FOXP2: variants seen among roughly 807,000 people sequenced by gnomAD.
The protein encoded by FOXP2 is forkhead box protein P2.
Under a neutral mutation model 115.8 loss-of-function variants are expected in FOXP2, and 12 were observed. The observed-to-expected ratio is 0.10, with a 90% CI of 0.07 to 0.17. The LOEUF is 0.17. Ranked by LOEUF, FOXP2 falls within the 10% of genes least tolerant of loss-of-function variation. FOXP2 has a pLI of 1.00. For missense variants in FOXP2, 629 were observed against 843.5 expected, an observed-to-expected ratio of 0.75 and a Z score of 3.15; for synonymous variants, 328 against 297.7, an observed-to-expected ratio of 1.10 and a Z score of -1.05.
At chr7:114,470,151 C>T (rs1795984089) in intron 2 of FOXP2, among the ~76,000 whole-genome samples, 1 of 152,172 alleles carries the variant, frequency 6.6e-6, no homozygotes, top group African/African-American at 2.4e-5. Context: ...AAATTGTCTC[C>T]TGGCTCCCTG....
chr7:114,188,159 A>G (rs1562997508), intron 1 of FOXP2, among the ~76,000 whole-genome samples: 1 of 152,128 alleles, frequency 6.6e-6, no homozygotes, highest in Non-Finnish European at 1.5e-5. Context: ...GAGCACAGTC[A>G]TGGTGCTCTA....
At chr7:114,660,458 C>T (rs1291242203) in intron 13 of FOXP2, among the ~76,000 whole-genome samples, 1 of 152,106 alleles carries the variant, frequency 6.6e-6, no homozygotes, top group African/African-American at 2.4e-5. Flanking sequence ...CAGCAAAGCA[C>T]TCATCAGCAT....
intron 2 of FOXP2, among the ~76,000 whole-genome samples, chr7:114,512,309 C>G (rs370079612): frequency 6.6e-6 from 1 of 152,192 alleles, no homozygotes; most frequent in South Asian, 2.1e-4. Flanking sequence ...TACATACAAT[C>G]ATTTCTATGC....
chr7:114,292,110 G>C (rs1413615818), intron 2 of FOXP2, among the ~76,000 whole-genome samples: 2 of 150,516 alleles, frequency 1.3e-5, no homozygotes, highest in African/African-American at 4.9e-5. Flanking sequence ...ATAATCATCA[G>C]AGTGACAATA....
intron 2 of FOXP2, among the ~76,000 whole-genome samples, chr7:114,442,924 A>G (rs897616865): frequency 2.6e-5 from 4 of 152,206 alleles, no homozygotes; most frequent in Admixed American, 1.3e-4. Context: ...GTGGCAATCT[A>G]TGTGAGTGAG....
At chr7:114,654,372 T>A (rs1241455059) in intron 10 of FOXP2, among the ~76,000 whole-genome samples, 2 of 152,136 alleles carry the variant, frequency 1.3e-5, no homozygotes, top group Non-Finnish European at 2.9e-5. Context: ...AATAGAAATG[T>A]ATGTGGTGTG....
chr7:114,656,377 T>A (rs531166617), intron 10 of FOXP2: 57 of 249,254 alleles, frequency 2.3e-4, no homozygotes, highest in Non-Finnish European at 3.3e-4. Context: ...CATACAAGTA[T>A]GTAATGCTGA....
At chr7:114,212,114 TAA>T (rs1563007413) in intron 1 of FOXP2, among the ~76,000 whole-genome samples, 3 of 76,130 alleles carry the variant, frequency 3.9e-5, no homozygotes, top group African/African-American at 1.0e-4. Flanking sequence ...TAAAATAAAA[TAA>T]AATAAAATAT....
In FOXP2 at chr7:114,693,113, G is replaced by A; in HGVS notation, c.*3187G>A. ...AGTGGGCTTAAGGCTTATATTCTAT[G>A]TGGTTGGATTCGTGGCACAGTTGTA... On this transcript the variant is annotated 3_prime_UTR_variant, in exon 17 of 17. Transcript: ENST00000350908. 2.2e-6 allele frequency: 1 copy of A among 453,884 alleles called. No individual in the cohort carries two copies. The highest frequency in any genetic ancestry group is 4.4e-6 in the Non-Finnish European group (1 of 226,666). 28.1% of individuals were successfully genotyped at this position (453,884 alleles called of 1,614,324 possible). A position where few individuals can be genotyped will look rare whatever the true frequency, so the allele number is the denominator to read the frequency against.
chr7:114,530,247 T>G (rs894043225), intron 2 of FOXP2, among the ~76,000 whole-genome samples: 1 of 151,928 alleles, frequency 6.6e-6, no homozygotes, highest in African/African-American at 2.4e-5. Flanking sequence ...TCTATTTTCA[T>G]AAGAAGCCTA....
intron 3 of FOXP2, among the ~76,000 whole-genome samples, chr7:114,579,882 G>T (rs76667422): frequency 0.013 from 1,919 of 152,230 alleles, 37 homozygotes; most frequent in African/African-American, 0.043. Context: ...ATGAAAATGG[G>T]AAATACGTAA....
chr7:114,215,518 G>T (rs1455191311), intron 1 of FOXP2, among the ~76,000 whole-genome samples: 1 of 151,952 alleles, frequency 6.6e-6, no homozygotes, highest in African/African-American at 2.4e-5. Context: ...TAATTTTTTT[G>T]TTGTAATCCA....
At chr7:114,178,360 A>G (rs950221970) in intron 1 of FOXP2, among the ~76,000 whole-genome samples, 2 of 151,772 alleles carry the variant, frequency 1.3e-5, no homozygotes, top group Admixed American at 1.3e-4. Context: ...TAGTGATTGC[A>G]TATATTTTCA....
intron 10 of FOXP2, chr7:114,654,282 T>C: frequency 1.4e-6 from 1 of 690,508 alleles, no homozygotes; most frequent in Non-Finnish European, 2.2e-6. Context: ...CCAGAGAGAA[T>C]TTCTTTCTGT....
intron 2 of FOXP2, among the ~76,000 whole-genome samples, chr7:114,332,363 A>C (rs1797734364): frequency 6.6e-6 from 1 of 152,106 alleles, no homozygotes; most frequent in African/African-American, 2.4e-5. Flanking sequence ...TGTGTAACAA[A>C]CCGTGGTGAT....
intron 2 of FOXP2, among the ~76,000 whole-genome samples, chr7:114,330,255 G>C (rs558402857): frequency 1.8e-4 from 28 of 151,938 alleles, no homozygotes; most frequent in African/African-American, 6.8e-4. Context: ...CTAGCAACTT[G>C]CATTCTATCA....
intron 2 of FOXP2, among the ~76,000 whole-genome samples, chr7:114,324,849 T>C (rs1297341323): frequency 6.6e-6 from 1 of 151,936 alleles, no homozygotes; most frequent in Non-Finnish European, 1.5e-5. Context: ...AAAAGGGATT[T>C]ATATGTTTTA....
chr7:114,291,435 C>A (rs1796587491), intron 2 of FOXP2, among the ~76,000 whole-genome samples: 1 of 152,070 alleles, frequency 6.6e-6, no homozygotes, highest in African/African-American at 2.4e-5. Context: ...CATTATGTAC[C>A]TGTGCTCTCT....
chr7:114,604,300 C>T (rs1213480010), intron 3 of FOXP2, among the ~76,000 whole-genome samples: 2 of 152,160 alleles, frequency 1.3e-5, no homozygotes, highest in Non-Finnish European at 2.9e-5. Flanking sequence ...ACCTAATTAC[C>T]TCCTACAGGC....
Sources: allele counts gnomAD v4.1 joint callset (sites outside exome capture counted in the v4.1 genomes callset), GRCh38; gene constraint gnomAD v4.1.1; transcripts MANE v1.5; gene names NCBI Gene and HGNC (gene_info 2026-07-23, HGNC 2026-07-21).